AUTS2: variants seen among roughly 807,000 people sequenced by gnomAD.
AUTS2 encodes activator of transcription and developmental regulator AUTS2.
In AUTS2, 17 loss-of-function variants were observed where a neutral mutation model predicts 112.4. The observed-to-expected ratio is 0.15, with a 90% CI of 0.10 to 0.23. The LOEUF is 0.23. Among genes scored for constraint, AUTS2 ranks in the 10% least tolerant of loss-of-function variants. The probability of loss-of-function intolerance (pLI) is 1.00; values close to 1 mark genes in which losing one functional copy is unlikely to be tolerated. For missense variants in AUTS2, 1,510 were observed against 1,701.6 expected, an observed-to-expected ratio of 0.89 and a Z score of 1.98; for synonymous variants, 751 against 702.7, an observed-to-expected ratio of 1.07 and a Z score of -1.09.
At chr7:70,675,157 T>C (rs1439907070) in intron 5 of AUTS2, among the ~76,000 whole-genome samples, 1 of 152,092 alleles carries the variant, frequency 6.6e-6, no homozygotes, top group Non-Finnish European at 1.5e-5. Context: ...AACAACTTTA[T>C]TGTGGAGAAT....
intron 5 of AUTS2, among the ~76,000 whole-genome samples, chr7:70,479,540 T>C (rs756916535): frequency 7.9e-5 from 12 of 152,188 alleles, no homozygotes; most frequent in Non-Finnish European, 1.8e-4. Flanking sequence ...CAGACGTTAC[T>C]GATGATGCAT....
intron 4 of AUTS2, among the ~76,000 whole-genome samples, chr7:70,357,084 G>C (rs1792045471): frequency 1.3e-5 from 2 of 152,208 alleles, no homozygotes; most frequent in Admixed American, 1.3e-4. Flanking sequence ...GGGGATCCCA[G>C]GTAGTTGGGC....
chr7:69,922,420 C>G (rs1024369812), intron 2 of AUTS2, among the ~76,000 whole-genome samples: 2 of 152,204 alleles, frequency 1.3e-5, no homozygotes, highest in African/African-American at 4.8e-5. Context: ...TCACCAAAGC[C>G]TCTTCTAAGA....
At chr7:70,450,930 C>A (rs1585160114) in intron 5 of AUTS2, among the ~76,000 whole-genome samples, 1 of 152,060 alleles carries the variant, frequency 6.6e-6, no homozygotes, top group Non-Finnish European at 1.5e-5. Flanking sequence ...ATGATGCCAT[C>A]AATCACACAG....
At chr7:70,081,974 CTG>C (rs1562672594) in intron 2 of AUTS2, among the ~76,000 whole-genome samples, 2 of 135,858 alleles carry the variant, frequency 1.5e-5, no homozygotes, top group African/African-American at 2.8e-5. Context: ...GTGCGCGCGC[CTG>C]TGTGTGTGTT....
intron 5 of AUTS2, among the ~76,000 whole-genome samples, chr7:70,645,753 G>A (rs762510065): frequency 2.6e-5 from 4 of 152,106 alleles, no homozygotes; most frequent in Admixed American, 6.5e-5. Flanking sequence ...TAGTGTTAGC[G>A]TACTGTGCTG....
In AUTS2 at chr7:70,014,670, T is replaced by G. The variant is rs538571425; in HGVS notation, c.523-103462T>G. Among the ~76,000 whole-genome samples, 8 of 152,354 alleles carry G rather than the reference T, an allele frequency of 5.3e-5. No homozygotes were observed. In the South Asian group the frequency reaches 1.7e-3, roughly 32 times the overall value. On this transcript the variant is annotated intron_variant, in intron 2 of 18. Coordinates refer to ENST00000342771, the MANE Select transcript of AUTS2 (RefSeq NM_015570.4). The stretch of plus-strand genomic sequence containing the variant: ...CTAACACACTGGTCCTGTGTTTTGC[T>G]TCTTTGTGTGCATTCACGTAGACAT...
At chr7:70,019,311 G>A (rs756234160) in intron 2 of AUTS2, among the ~76,000 whole-genome samples, 7 of 152,014 alleles carry the variant, frequency 4.6e-5, no homozygotes, top group African/African-American at 7.3e-5. Context: ...TAACTAATGG[G>A]TACTAGGCTT....
chr7:70,175,728 T>G (rs1281689018), intron 4 of AUTS2, among the ~76,000 whole-genome samples: 1 of 152,204 alleles, frequency 6.6e-6, no homozygotes, highest in African/African-American at 2.4e-5. Flanking sequence ...ACTCAGGTGT[T>G]TGTTAGCATA....
intron 1 of AUTS2, among the ~76,000 whole-genome samples, chr7:69,741,362 T>C (rs762573323): frequency 3.3e-5 from 5 of 152,184 alleles, no homozygotes; most frequent in Non-Finnish European, 5.9e-5. Context: ...TCACATACTA[T>C]TGTTTTAGTA....
chr7:70,713,961 G>C (rs1020406765), intron 6 of AUTS2, among the ~76,000 whole-genome samples: 2 of 151,872 alleles, frequency 1.3e-5, no homozygotes, highest in African/African-American at 4.8e-5. Flanking sequence ...AGCGTGTCTG[G>C]GCTAGGGCTC....
intron 1 of AUTS2, among the ~76,000 whole-genome samples, chr7:69,697,694 G>A (rs1422371943): frequency 6.6e-6 from 1 of 152,182 alleles, no homozygotes; most frequent in Non-Finnish European, 1.5e-5. Context: ...AACTGGCATT[G>A]TGAGCTCTCC....
chr7:70,464,127 G>A (rs558564930), intron 5 of AUTS2, among the ~76,000 whole-genome samples: 14 of 152,274 alleles, frequency 9.2e-5, no homozygotes, highest in Admixed American at 2.0e-4. Flanking sequence ...GGTAAGCTCC[G>A]CAGAGCTTCG....
chr7:69,953,462 A>G lies in AUTS2; in HGVS notation c.522+53964A>G, dbSNP rs138631691. 2.4e-4 allele frequency among the ~76,000 whole-genome samples: 37 copies of G among 152,278 alleles called. No homozygotes were observed. In the East Asian group the frequency reaches 7.0e-3, roughly 29 times the overall value. ...CCCAAGAGCTTAAAAGATTAAAGAA[A>G]CCACTAACAGCAGTAAGGAGGAAGT... is the stretch of plus-strand genomic sequence containing the variant. On this transcript the variant is annotated intron_variant, in intron 2 of 18. Coordinates refer to ENST00000342771, the MANE Select transcript of AUTS2 (RefSeq NM_015570.4).
intron 5 of AUTS2, among the ~76,000 whole-genome samples, chr7:70,600,476 A>G (rs1803421705): frequency 6.6e-6 from 1 of 152,090 alleles, no homozygotes; most frequent in Non-Finnish European, 1.5e-5. Context: ...GGGTTTTGCC[A>G]TGTTGGCCAG....
intron 1 of AUTS2, among the ~76,000 whole-genome samples, chr7:69,848,148 T>C (rs945539495): frequency 2.0e-5 from 3 of 152,188 alleles, no homozygotes; most frequent in Non-Finnish European, 4.4e-5. Context: ...CTCATAGGAA[T>C]AGGGACCTTC....
At position 70,066,544 on chromosome 7, in the gene AUTS2, T is replaced by C. The variant is rs1802502650; in HGVS notation, c.523-51588T>C. Among the ~76,000 whole-genome samples, 4 of 151,632 alleles carry C rather than the reference T, an allele frequency of 2.6e-5. No homozygotes were observed. In the South Asian group the frequency reaches 8.4e-4, roughly 32 times the overall value. On this transcript the variant is annotated intron_variant, in intron 2 of 18. Transcript: ENST00000342771. ...TACAGATCTATACCCAGTAAATTTT[T>C]TTTTTTTTTTTTTTCAAACAGAGTC...
chr7:69,827,589 CA>C (rs747290489), intron 1 of AUTS2, among the ~76,000 whole-genome samples: 54 of 152,060 alleles, frequency 3.6e-4, no homozygotes, highest in Non-Finnish European at 7.5e-4. Flanking sequence ...AAAACTTGGC[CA>C]GGGGAAAGGT....
intron 1 of AUTS2, among the ~76,000 whole-genome samples, chr7:69,789,938 A>T (rs1044973586): frequency 2.0e-5 from 3 of 152,112 alleles, no homozygotes; most frequent in Admixed American, 6.5e-5. Context: ...TTAAATAAAT[A>T]TCTTTTTTTT....
Sources: allele counts gnomAD v4.1 joint callset (sites outside exome capture counted in the v4.1 genomes callset), GRCh38; gene constraint gnomAD v4.1.1; transcripts MANE v1.5; gene names NCBI Gene and HGNC (gene_info 2026-07-23, HGNC 2026-07-21).